Variants in ELP3 observed in about 807,000 individuals in gnomAD.
ELP3 encodes elongator complex protein 3.
ELP3 carries 56 observed loss-of-function variants against 74.9 expected under a neutral mutation model. The observed-to-expected ratio is 0.75, with a 90% CI of 0.60 to 0.93. The LOEUF (loss-of-function observed/expected upper bound fraction) is 0.93. ELP3 is among the 40% of genes least tolerant of loss of function. The pLI, the probability that ELP3 is intolerant of heterozygous loss-of-function variation, is 0.00. For synonymous variants in ELP3, 222 were observed against 239.8 expected (o/e 0.93, Z 0.68); for missense variants, 573 against 686.5 (o/e 0.83, Z 1.85).
In ELP3 at chr8:28,151,824, T is replaced by G. The variant is rs561148555; in HGVS notation, c.1101-4118T>G. Among the ~76,000 whole-genome samples, 7 of 152,306 alleles carry G rather than the reference T, an allele frequency of 4.6e-5. No homozygotes were observed. In the East Asian group the frequency reaches 1.2e-3, roughly 25 times the overall value. On this transcript the variant is annotated intron_variant, in intron 10 of 14. Transcript: ENST00000256398. ...AGTGCTAGGTCATGTTTCAAAATGG[T>G]TTCTTTTCCCCTCTCCCAGCCAGAA...
At chr8:28,175,906 G>C (rs4570112) in intron 14 of ELP3, among the ~76,000 whole-genome samples, 149,556 of 150,180 alleles carry the variant, frequency 1, 74,469 homozygotes, top group Middle Eastern at 1. Flanking sequence ...CCTCCGCCTC[G>C]CGGTTTCAAG....
intron 7 of ELP3, among the ~76,000 whole-genome samples, chr8:28,119,874 C>T (rs1235603062): frequency 2.0e-5 from 3 of 151,890 alleles, no homozygotes; most frequent in African/African-American, 7.3e-5. Context: ...CACTTGTAGG[C>T]CTCTCTCACT....
chr8:28,176,295 C>T (rs1263120078), intron 14 of ELP3, among the ~76,000 whole-genome samples: 1 of 152,164 alleles, frequency 6.6e-6, no homozygotes, highest in Non-Finnish European at 1.5e-5. Flanking sequence ...TCTTTTGATA[C>T]ACTCCACGAA....
chr8:28,150,451 T>C (rs1211053282), intron 10 of ELP3, among the ~76,000 whole-genome samples: 1 of 152,166 alleles, frequency 6.6e-6, no homozygotes, highest in African/African-American at 2.4e-5. Context: ...TCCTTTATTA[T>C]CCTTTGAAAG....
At chr8:28,144,475 C>G (rs904262256) in intron 10 of ELP3, among the ~76,000 whole-genome samples, 1 of 151,932 alleles carries the variant, frequency 6.6e-6, no homozygotes, top group Non-Finnish European at 1.5e-5. Context: ...TAAAAATTAG[C>G]CAGATGAGGT....
intron 14 of ELP3, among the ~76,000 whole-genome samples, chr8:28,164,306 A>G (rs903376465): frequency 3.3e-5 from 5 of 152,062 alleles, no homozygotes; most frequent in African/African-American, 9.7e-5. Flanking sequence ...TGCCATATCT[A>G]TCTCCCTAGC....
chr8:28,129,282 A>G lies in ELP3; in HGVS notation c.618-220A>G. ...GAGGTGTAGATAGTGTATTATCCTC[A>G]TTTTGCAGTTAAAGGAACCGAAGCA... On this transcript the variant is annotated intron_variant, in intron 7 of 14. Coordinates refer to ENST00000256398, the MANE Select transcript of ELP3 (RefSeq NM_018091.6). 3 of 526,388 alleles carry G rather than the reference A, an allele frequency of 5.7e-6. 1 individual carries two copies. In the South Asian group the frequency reaches 7.2e-5, roughly 13 times the overall value. The allele number at this position is 526,388 out of a possible 1,614,324, so 32.6% of individuals were successfully genotyped here. A position where few individuals can be genotyped will look rare whatever the true frequency, so the allele number is the denominator to read the frequency against.
chr8:28,100,513 G>A (rs1209573775), intron 3 of ELP3, among the ~76,000 whole-genome samples: 4 of 152,196 alleles, frequency 2.6e-5, no homozygotes, highest in Non-Finnish European at 5.9e-5. Context: ...TGACAGGAAG[G>A]GCGTGGTGCA....
chr8:28,175,104 G>T (rs1814689994), intron 14 of ELP3, among the ~76,000 whole-genome samples: 1 of 152,040 alleles, frequency 6.6e-6, no homozygotes, highest in Non-Finnish European at 1.5e-5. Context: ...GACTCATATT[G>T]TGATCATTGT....
intron 14 of ELP3, among the ~76,000 whole-genome samples, chr8:28,176,750 G>A (rs1814773713): frequency 6.6e-6 from 1 of 152,126 alleles, no homozygotes; most frequent in Non-Finnish European, 1.5e-5. Context: ...CTTCCTACCA[G>A]GTTATAAGAT....
intron 2 of ELP3, among the ~76,000 whole-genome samples, chr8:28,097,814 A>G (rs576268561): frequency 6.6e-6 from 1 of 152,312 alleles, no homozygotes; most frequent in African/African-American, 2.4e-5. Context: ...GTATTAGCTC[A>G]GTTAATCCCC....
intron 6 of ELP3, among the ~76,000 whole-genome samples, chr8:28,111,183 G>C (rs903574088): frequency 6.6e-6 from 1 of 152,188 alleles, no homozygotes; most frequent in Admixed American, 6.5e-5. Flanking sequence ...TCATGGTCAT[G>C]GTGGTGGTTA....
intron 7 of ELP3, among the ~76,000 whole-genome samples, chr8:28,127,123 T>C (rs1003383122): frequency 1.3e-5 from 2 of 152,242 alleles, no homozygotes; most frequent in Non-Finnish European, 2.9e-5. Context: ...AGTTAAATTA[T>C]TATTTGAGAA....
At chr8:28,117,416 G>C (rs1406806700) in intron 7 of ELP3, among the ~76,000 whole-genome samples, 1 of 152,150 alleles carries the variant, frequency 6.6e-6, no homozygotes, top group Non-Finnish European at 1.5e-5. Flanking sequence ...GCTCAGTGCA[G>C]ATCATGATGT....
intron 2 of ELP3, among the ~76,000 whole-genome samples, chr8:28,097,994 C>T (rs777050511): frequency 1.3e-5 from 2 of 152,166 alleles, no homozygotes; most frequent in Non-Finnish European, 2.9e-5. Context: ...TGTGCTGCAT[C>T]GCTGCACATC....
Position 28,145,184 on chromosome 8 carries a change from A to G in ELP3, c.1100+7293A>G, listed in dbSNP as rs187988593. Among the ~76,000 whole-genome samples, 4 of 152,374 alleles carry G rather than the reference A, an allele frequency of 2.6e-5. No individual in the cohort carries two copies. The East Asian group carries it at 7.7e-4, about 29-fold the overall frequency. ...AAGGCTGAGTGTTTATACAGCATCA[A>G]GTGGCTGAGAAGCTTTCTGATTTGG... is the stretch of plus-strand genomic sequence containing the variant. On this transcript the variant is annotated intron_variant, in intron 10 of 14. Coordinates refer to ENST00000256398, the MANE Select transcript of ELP3 (RefSeq NM_018091.6).
At position 28,102,121 on chromosome 8, in the gene ELP3, T is replaced by C. The variant is rs1811513314; in HGVS notation, c.258+2155T>C. ...GTGTTTGGTATTTTACATGCTTTCT[T>C]TGGTAACCTCATCCATTTGATGATT... is the stretch of plus-strand genomic sequence containing the variant. On this transcript the variant is annotated intron_variant, in intron 3 of 14. Coordinates refer to ENST00000256398, the MANE Select transcript of ELP3 (RefSeq NM_018091.6). 2.0e-5 allele frequency among the ~76,000 whole-genome samples: 3 copies of C among 152,204 alleles called. No homozygotes were observed. The South Asian group carries it at 6.2e-4, about 31-fold the overall frequency.
chr8:28,159,867 G>A (rs767505339), intron 12 of ELP3, among the ~76,000 whole-genome samples: 1 of 152,152 alleles, frequency 6.6e-6, no homozygotes, highest in Non-Finnish European at 1.5e-5. Context: ...TGAGACAAAG[G>A]GGTGCTCCTG....
chr8:28,115,795 GT>G (rs1812107359), intron 7 of ELP3, among the ~76,000 whole-genome samples: 1 of 152,154 alleles, frequency 6.6e-6, no homozygotes, highest in Non-Finnish European at 1.5e-5. Flanking sequence ...ATGTGCACAT[GT>G]GTGTGCACAT....
Sources: gnomAD v4.1 joint callset for allele counts (sites outside exome capture counted in the v4.1 genomes callset) on GRCh38, gnomAD v4.1.1 for gene constraint, MANE v1.5 for transcripts, NCBI Gene and HGNC (gene_info 2026-07-23, HGNC 2026-07-21) for gene names.